Variants in NLGN4X observed in about 807,000 individuals in gnomAD.
NLGN4X encodes neuroligin-4, X-linked.
In NLGN4X, 3 loss-of-function variants were observed where a neutral mutation model predicts 40.3. The observed-to-expected ratio is 0.07, with a 90% confidence interval of 0.03 to 0.19. The LOEUF is 0.19. Ranked by LOEUF, NLGN4X falls within the 10% of genes least tolerant of loss-of-function variation. The pLI is 1.00. For synonymous variants in NLGN4X, 270 were observed against 306.8 expected (o/e 0.88, Z 1.25); for missense variants, 382 against 708.3 (o/e 0.54, Z 5.23).
intron 3 of NLGN4X, among the ~76,000 whole-genome samples, chrX:5,976,473 G>A (rs2035180529): frequency 8.9e-6 from 1 of 112,076 alleles, no homozygotes; most frequent in South Asian, 3.7e-4. Flanking sequence ...GAAACTTCTT[G>A]CTGCAAATAT....
chrX:6,052,554 C>T (rs1038909985), intron 2 of NLGN4X, among the ~76,000 whole-genome samples: 4 of 111,804 alleles, frequency 3.6e-5, no homozygotes, highest in Admixed American at 9.5e-5. Context: ...GCAGTCTGCA[C>T]GGGCATTTGG....
rs1018189292 is a variant in NLGN4X, at chrX:5,904,709, T to C, written c.812-843A>G. Among the ~76,000 whole-genome samples, 5 of 112,032 alleles carry C rather than the reference T, an allele frequency of 4.5e-5. No individual in the cohort carries two copies. The East Asian group carries it at 1.4e-3, about 31-fold the overall frequency. On this transcript the variant is annotated intron_variant, in intron 4 of 5. Transcript: ENST00000381095. ...ATAAAATCTGTATTTTTAACTACGA[T>C]AGGACAAGAGAGGTGCGCTGTAAAA... is the stretch of plus-strand genomic sequence containing the variant.
intron 3 of NLGN4X, among the ~76,000 whole-genome samples, chrX:5,927,411 C>A (rs1193766563): frequency 8.9e-6 from 1 of 111,811 alleles, no homozygotes; most frequent in Non-Finnish European, 1.9e-5. Context: ...AATGTGTCAA[C>A]AAACTTGAAG....
At chrX:6,179,498 T>A (rs138457841) in intron 1 of NLGN4X, among the ~76,000 whole-genome samples, 2 of 111,971 alleles carry the variant, frequency 1.8e-5, no homozygotes, top group South Asian at 7.4e-4. Context: ...GATAGTAGGT[T>A]AAAATTTAGA....
At chrX:6,110,126 G>A (rs1008036576) in intron 2 of NLGN4X, among the ~76,000 whole-genome samples, 1 of 111,883 alleles carries the variant, frequency 8.9e-6, no homozygotes, top group African/African-American at 3.2e-5. Flanking sequence ...CAGCCCCAAG[G>A]AGAGACTAAA....
chrX:6,046,429 TAA>T (rs2037319693), intron 2 of NLGN4X, among the ~76,000 whole-genome samples: 1 of 111,414 alleles, frequency 9.0e-6, no homozygotes, highest in African/African-American at 3.3e-5. Context: ...TTGAATACAA[TAA>T]AGTCATTCTT....
chrX:5,961,663 A>G (rs2146980616), intron 3 of NLGN4X, among the ~76,000 whole-genome samples: 1 of 112,333 alleles, frequency 8.9e-6, no homozygotes, highest in Non-Finnish European at 1.9e-5. Context: ...AGGAGCTTAA[A>G]AAGAAAAAGC....
At chrX:6,133,612 A>G (rs1447965647) in intron 2 of NLGN4X, among the ~76,000 whole-genome samples, 3 of 111,945 alleles carry the variant, frequency 2.7e-5, no homozygotes, top group Non-Finnish European at 5.6e-5. Context: ...AATTTTTGCC[A>G]TCAATATCAC....
chrX:6,114,521 AACACACACAC>A (rs529608747), intron 2 of NLGN4X, among the ~76,000 whole-genome samples: 44 of 95,667 alleles, frequency 4.6e-4, no homozygotes, highest in East Asian at 2.4e-3. Flanking sequence ...CAAAGTGGCA[AACACACACAC>A]ACACACACAC....
At chrX:5,904,193 C>T (rs1234878761) in intron 4 of NLGN4X, among the ~76,000 whole-genome samples, 1 of 110,751 alleles carries the variant, frequency 9.0e-6, no homozygotes, top group Non-Finnish European at 1.9e-5. Context: ...GTTTTTGCTT[C>T]CTTGCCTCCA....
intron 2 of NLGN4X, among the ~76,000 whole-genome samples, chrX:6,039,691 AAC>A (rs1438841251): frequency 8.9e-6 from 1 of 112,259 alleles, no homozygotes; most frequent in Non-Finnish European, 1.9e-5. Context: ...ATAAAATATT[AAC>A]AGTTTATATT....
chrX:6,220,849 G>A (rs373686561), intron 1 of NLGN4X, among the ~76,000 whole-genome samples: 6 of 97,068 alleles, frequency 6.2e-5, no homozygotes, highest in Admixed American at 1.3e-4. Flanking sequence ...GCAATTCTCC[G>A]GCCTCAGCCT....
chrX:6,155,181 T>C (rs2040238335), intron 1 of NLGN4X, among the ~76,000 whole-genome samples: 1 of 111,330 alleles, frequency 9.0e-6, no homozygotes, highest in Non-Finnish European at 1.9e-5. Context: ...CACCCTTCCC[T>C]GTGTTTTACT....
At position 5,963,163 on chromosome X, in the gene NLGN4X, G is replaced by GA. The variant is rs35773507; in HGVS notation, c.626-53925dup. 9.3e-5 allele frequency among the ~76,000 whole-genome samples: 10 copies of GA among 107,971 alleles called. No homozygotes were observed. In the South Asian group the frequency reaches 1.6e-3, roughly 17 times the overall value. The allele number at this position is 107,971 out of a possible 115,157, so 93.8% of individuals were successfully genotyped here. A position where few individuals can be genotyped will look rare whatever the true frequency, so the allele number is the denominator to read the frequency against. ...GTGATTCTAGTGAGGGGAGGGCTCA[G>GA]AAAAAAAAAGAGAAGAGCTGTACAG... On this transcript the variant is annotated intron_variant, in intron 3 of 5. Transcript: ENST00000381095.
Position 5,917,851 on chromosome X carries a change from G to T in NLGN4X, c.626-8612C>A, listed in dbSNP as rs1601881857. Among the ~76,000 whole-genome samples the T allele has an allele frequency of 4.5e-5, 5 of 112,285 alleles. 1 individual carries two copies. The Admixed American group carries it at 4.7e-4, about 11-fold the overall frequency. The stretch of plus-strand genomic sequence containing the variant: ...TAAAATTATACAGATGGTAAAGCGA[G>T]ATTGTGTGTTCTCTGATGGTATTTT... On this transcript the variant is annotated intron_variant, in intron 3 of 5. Transcript: ENST00000381095.
Position 5,996,445 on chromosome X carries a change from T to TA in NLGN4X, c.625+32834dup, listed in dbSNP as rs773307284. On this transcript the variant is annotated intron_variant, in intron 3 of 5. Transcript: ENST00000381095. The stretch of plus-strand genomic sequence containing the variant: ...ATAACAGAGGCACAGAGCCTCCACT[T>TA]ACACAGAGCAAAGGAGGCTGTGGGA... Among the ~76,000 whole-genome samples the TA allele has an allele frequency of 7.2e-5, 8 of 111,776 alleles. No homozygotes were observed. In the South Asian group the frequency reaches 3.0e-3, roughly 42 times the overall value.
At chrX:6,026,199 T>A (rs1392822198) in intron 3 of NLGN4X, among the ~76,000 whole-genome samples, 1 of 108,529 alleles carries the variant, frequency 9.2e-6, no homozygotes, top group Non-Finnish European at 1.9e-5. Flanking sequence ...ATCTTTTTAA[T>A]CCTCTCTTTT....
intron 2 of NLGN4X, among the ~76,000 whole-genome samples, chrX:6,115,966 C>G (rs1349392044): frequency 9.0e-6 from 1 of 110,606 alleles, no homozygotes; most frequent in Non-Finnish European, 1.9e-5. Flanking sequence ...AAAGTGCTCT[C>G]ACGGAGTTAG....
At chrX:6,032,731 GT>G in intron 2 of NLGN4X, 1 of 1,187,480 alleles carries the variant, frequency 8.4e-7, no homozygotes, top group Non-Finnish European at 1.1e-6. Context: ...TATCATCTGC[GT>G]TTTTCTTTGT....
Sources: allele counts gnomAD v4.1 joint callset (sites outside exome capture counted in the v4.1 genomes callset), GRCh38; gene constraint gnomAD v4.1.1; transcripts MANE v1.5; gene names NCBI Gene and HGNC (gene_info 2026-07-23, HGNC 2026-07-21).